The following COQ8A variants were observed in gnomAD, a reference collection of about 807,000 sequenced individuals.
COQ8A encodes the protein coenzyme Q8A, also known as atypical kinase COQ8A, mitochondrial.
A neutral mutation model predicts 65.0 loss-of-function variants in COQ8A; 51 were observed. The ratio of observed to expected loss-of-function variants is 0.78; its 90% CI spans 0.63 to 0.99. The LOEUF is 0.99. Ranked by LOEUF, COQ8A falls within the 50% of genes least tolerant of loss-of-function variation. The pLI is 0.00. For synonymous variants in COQ8A, 371 were observed against 353.2 expected (o/e 1.05, Z -0.57); for missense variants, 940 against 875.0 (o/e 1.07, Z -0.94).
intron 1 of COQ8A, among the ~76,000 whole-genome samples, chr1:226,951,922 C>T (rs1657413447): frequency 6.6e-6 from 1 of 152,132 alleles, no homozygotes; most frequent in Non-Finnish European, 1.5e-5. Context: ...GCTTGAGGAC[C>T]ATGGTTTGCT....
rs148376283 is a variant in COQ8A, at chr1:226,982,038, G to A, written c.742G>A (p.Val248Met). 55 of 1,612,910 alleles carry A rather than the reference G, an allele frequency of 3.4e-5. No individual in the cohort carries two copies. The highest frequency in any genetic ancestry group is 8.8e-5 in the South Asian group (8 of 91,086). ...TTGCCCGCCCACAGGGAAGAAGGCCGTGCTGGGTTCCAGTCCTTTCCTGTC... is the reference window on the plus strand; with the variant it reads ...TTGCCCGCCCACAGGGAAGAAGGCCATGCTGGGTTCCAGTCCTTTCCTGTC... ...RSEDPSGKKAVLGSSPFLSEA... is the reference protein window; with the variant it reads ...RSEDPSGKKAMLGSSPFLSEA... The change falls in exon 6 of 15, where the codon GTG (valine) becomes ATG (methionine). Residue 248 changes from valine to methionine, a missense_variant. Val to Met is a conservative substitution (Grantham distance 21, BLOSUM62 1). Coordinates refer to ENST00000366777, the MANE Select transcript of COQ8A (RefSeq NM_020247.5).
intron 1 of COQ8A, among the ~76,000 whole-genome samples, chr1:226,960,086 G>A (rs1658063076): frequency 6.6e-6 from 1 of 151,026 alleles, no homozygotes; most frequent in African/African-American, 2.4e-5. Flanking sequence ...ACTTGGTGGT[G>A]GTGGTGGTGA....
chr1:226,982,248 C>G lies in COQ8A; in HGVS notation c.853+99C>G, dbSNP rs1463895934. 10 of 1,485,600 alleles carry G rather than the reference C, an allele frequency of 6.7e-6. No homozygotes were observed. In the South Asian group the frequency reaches 1.2e-4, roughly 18 times the overall value. The allele number at this position is 1,485,600 out of a possible 1,614,324, so 92.0% of individuals were successfully genotyped here. ...AGTGGCCCCACCAAAGCTCAGTGGG[C>G]AAGATGTGAGCAGGCTGGGGAGAGA... On this transcript the variant is annotated intron_variant, in intron 6 of 14. Transcript: ENST00000366777.
intron 4 of COQ8A, among the ~76,000 whole-genome samples, chr1:226,968,328 C>CT (rs1453262880): frequency 6.6e-6 from 1 of 152,074 alleles, no homozygotes; most frequent in Non-Finnish European, 1.5e-5. Flanking sequence ...GAGTGAGACT[C>CT]TGTCTCAAAA....
intron 14 of COQ8A, among the ~76,000 whole-genome samples, chr1:226,986,229 G>A (rs1572088592): frequency 6.6e-6 from 1 of 152,124 alleles, no homozygotes; most frequent in Middle Eastern, 3.4e-3. Context: ...TCTGCACTCT[G>A]CCACAGGCCC....
Position 226,966,653 on chromosome 1 carries a change from T to C in COQ8A, c.655+916T>C, listed in dbSNP as rs184210024. On this transcript the variant is annotated intron_variant, in intron 4 of 14. Transcript: ENST00000366777. ...GAGTGGTCCATGATGGTGCTGGTGC[T>C]GGGTGGGGCATGGAGATGCACTCTC... 6.0e-3 allele frequency among the ~76,000 whole-genome samples: 918 copies of C among 152,304 alleles called. 10 individuals carry two copies. Among genetic ancestry groups the C allele is most frequent in the African/African-American group, 0.021 (861 of 41,564 alleles).
chr1:226,981,315 A>G (rs2148122344), intron 5 of COQ8A, among the ~76,000 whole-genome samples: 1 of 152,212 alleles, frequency 6.6e-6, no homozygotes, highest in East Asian at 1.9e-4. Flanking sequence ...CTGGCAGTTG[A>G]CTTAGCCGGC....
intron 2 of COQ8A, among the ~76,000 whole-genome samples, chr1:226,961,786 A>G (rs949481624): frequency 1.3e-5 from 2 of 152,214 alleles, no homozygotes; most frequent in African/African-American, 4.8e-5. Flanking sequence ...TAAACAATGC[A>G]CGCTTATTTC....
Position 226,985,337 on chromosome 1 carries a change from C to T in COQ8A, c.1656C>T (p.Val552=), listed in dbSNP as rs1396220434. ...TGAAGTTCCTCACCGGCTACGAGGT[C>T]AAGGTGAGCAGGGTTGCGGGGGATC... is the stretch of plus-strand genomic sequence containing the variant. ...IEMKFLTGYE[V]KVMEDAHLDA... is the part of the protein sequence containing the mutation. The change falls in exon 14 of 15, where the codon GTC becomes GTT. Residue 552 remains valine, a synonymous_variant. Coordinates refer to ENST00000366777, the MANE Select transcript of COQ8A (RefSeq NM_020247.5). 2 of 1,613,494 alleles carry T rather than the reference C, an allele frequency of 1.2e-6. No individual in the cohort carries two copies. Among genetic ancestry groups the T allele is most frequent in the Admixed American group, 3.3e-5 (2 of 60,030 alleles).
At chr1:226,978,044 C>G (rs1278218581) in intron 5 of COQ8A, among the ~76,000 whole-genome samples, 3 of 150,094 alleles carry the variant, frequency 2.0e-5, no homozygotes, top group Admixed American at 1.3e-4. Flanking sequence ...TTACACACCC[C>G]TTGCACACCC....
chr1:226,979,055 G>T (rs555424385), intron 5 of COQ8A, among the ~76,000 whole-genome samples: 1 of 152,314 alleles, frequency 6.6e-6, no homozygotes, highest in East Asian at 1.9e-4. Flanking sequence ...CTGGGGACAG[G>T]CGAGGTGTGC....
At chr1:226,962,834 A>G (rs907575948) in intron 2 of COQ8A, among the ~76,000 whole-genome samples, 2 of 152,150 alleles carry the variant, frequency 1.3e-5, no homozygotes, top group African/African-American at 4.8e-5. Context: ...GCCAGCCTGG[A>G]CCATCACACC....
In COQ8A at chr1:226,950,536, C is replaced by A. The variant is rs181396541; in HGVS notation, c.-10+10137C>A. On this transcript the variant is annotated intron_variant, in intron 1 of 14. Coordinates refer to ENST00000366777, the MANE Select transcript of COQ8A (RefSeq NM_020247.5). ...ACTTAACCACTCTGTGCCTTAGCAC[C>A]CTCATCTGTAAAATGGGCATAATTT... 2.8e-4 allele frequency among the ~76,000 whole-genome samples: 42 copies of A among 152,280 alleles called. 1 individual carries two copies. The East Asian group carries it at 7.9e-3, about 29-fold the overall frequency.
At chr1:226,977,656 C>T (rs1401955040) in intron 5 of COQ8A, 133 bp downstream of exon 5, 9 of 990,568 alleles carry the variant, frequency 9.1e-6, no homozygotes, top group East Asian at 7.9e-5. Flanking sequence ...ACGTAAGTGG[C>T]GTCCCTGGGG....
At chr1:226,982,477 AG>A in intron 6 of COQ8A, 200 bp from the exon 7 acceptor site, 1 of 682,216 alleles carries the variant, frequency 1.5e-6, no homozygotes, top group Non-Finnish European at 2.6e-6. Context: ...CCACCTTCTC[AG>A]GTCACTGGGC....
Position 226,984,812 on chromosome 1 carries a change from C to T in COQ8A, c.1507-64C>T, listed in dbSNP as rs1436479327. ...ACTGCCCTCTGTTGCACCCCCTTCCCGGCCCCACACACCCGCACCATGGAG... is the reference window on the plus strand; with the variant it reads ...ACTGCCCTCTGTTGCACCCCCTTCCTGGCCCCACACACCCGCACCATGGAG... On this transcript the variant is annotated intron_variant, in intron 12 of 14. Coordinates refer to ENST00000366777, the MANE Select transcript of COQ8A (RefSeq NM_020247.5). 9.5e-6 allele frequency: 15 copies of T among 1,571,398 alleles called. 1 individual carries two copies. Among genetic ancestry groups the T allele is most frequent in the East Asian group, 6.7e-5 (3 of 44,566 alleles).
At chr1:226,970,160 C>T (rs1658808671) in intron 4 of COQ8A, among the ~76,000 whole-genome samples, 1 of 152,164 alleles carries the variant, frequency 6.6e-6, no homozygotes, top group African/African-American at 2.4e-5. Context: ...GCCATGTTGG[C>T]CAGGCTGTTC....
chr1:226,959,533 G>A (rs1162578072), intron 1 of COQ8A, among the ~76,000 whole-genome samples: 1 of 152,212 alleles, frequency 6.6e-6, no homozygotes, highest in African/African-American at 2.4e-5. Context: ...TGTCAAAGGG[G>A]GGTGGGTACA....
At chr1:226,975,938 T>A (rs1659167034) in intron 4 of COQ8A, among the ~76,000 whole-genome samples, 1 of 152,232 alleles carries the variant, frequency 6.6e-6, no homozygotes, top group African/African-American at 2.4e-5. Context: ...TCATGCATAA[T>A]CACTGTAGAG....
Sources: gnomAD v4.1 joint callset for allele counts (sites outside exome capture counted in the v4.1 genomes callset) on GRCh38, gnomAD v4.1.1 for gene constraint, MANE v1.5 for transcripts, NCBI Gene and HGNC (gene_info 2026-07-23, HGNC 2026-07-21) for gene names.